Variants in NSUN6 observed in about 807,000 individuals in gnomAD.
The protein encoded by NSUN6 is NOP2/Sun RNA methyltransferase 6, also known as tRNA (cytosine(72)-C(5))-methyltransferase NSUN6.
In NSUN6, 64 loss-of-function variants were observed where a neutral mutation model predicts 58.0. The observed-to-expected ratio is 1.10, with a 90% CI of 0.90 to 1.36. The LOEUF (loss-of-function observed/expected upper bound fraction) is 1.36, where lower values mean the gene tolerates loss of function less well. NSUN6 is among the 40% of genes most tolerant of loss of function. The pLI, the probability that NSUN6 is intolerant of heterozygous loss-of-function variation, is 0.00. For missense variants in NSUN6, 701 were observed against 550.1 expected, an observed-to-expected ratio of 1.27 and a Z score of -2.74; for synonymous variants, 231 against 193.9, an observed-to-expected ratio of 1.19 and a Z score of -1.59.
In NSUN6 at chr10:18,546,010, C is replaced by T; in HGVS notation, c.1333G>A (p.Glu445Lys). Residue 445 changes from glutamate (E) to lysine (K), a missense_variant, in exon 11 of 11, where the codon GAA becomes AAA. Transcript: ENST00000377304. ...TTATTAGCCAGACGCAACATGTCTT[C>T]TCTTCTGGCCTCTCTAAGAGAGTCC... ...DMDSLREARREDMLRLANKDS... is the reference protein window; with the variant it reads ...DMDSLREARRKDMLRLANKDS... The T allele has an allele frequency of 6.3e-7, 1 of 1,582,064 alleles. No individual in the cohort carries two copies. The highest frequency in any genetic ancestry group is 1.2e-5 in the South Asian group (1 of 85,070).
chr10:18,582,287 G>C (rs2056938949), intron 8 of NSUN6, among the ~76,000 whole-genome samples: 1 of 152,168 alleles, frequency 6.6e-6, no homozygotes, highest in South Asian at 2.1e-4. Context: ...ATGCTTGCCT[G>C]ACATTCCCGG....
At chr10:18,598,571 A>G (rs1358691982) in intron 6 of NSUN6, among the ~76,000 whole-genome samples, 1 of 152,116 alleles carries the variant, frequency 6.6e-6, no homozygotes, top group Non-Finnish European at 1.5e-5. Flanking sequence ...ACCTGGGCTC[A>G]ATCAATCCTC....
upstream of NSUN6, among the ~76,000 whole-genome samples, chr10:18,657,169 C>T (rs1341464796): frequency 2.0e-5 from 3 of 152,144 alleles, no homozygotes; most frequent in Non-Finnish European, 4.4e-5. Context: ...TCGATAGGTA[C>T]ATCAGCATGA....
At chr10:18,630,502 C>T (rs529433721) in intron 3 of NSUN6, among the ~76,000 whole-genome samples, 11 of 151,868 alleles carry the variant, frequency 7.2e-5, no homozygotes, top group Admixed American at 2.0e-4. Context: ...ATTGATAGAC[C>T]GCTAGCAAGA....
At chr10:18,581,101 G>A (rs557015932) in intron 8 of NSUN6, among the ~76,000 whole-genome samples, 1 of 152,214 alleles carries the variant, frequency 6.6e-6, no homozygotes, top group East Asian at 1.9e-4. Context: ...TTCCCTTGGG[G>A]TGGGCTGCCA....
rs186268204 is a variant in NSUN6 at position 18,574,946 on chromosome 10, G to T, written c.922+11003C>A. ...AGATCAGGTAGCCAAGCAGTCTGTT[G>T]TATCTTCTGAAATGCATATTTTTCA... On this transcript the variant is annotated intron_variant, in intron 8 of 10. Transcript: ENST00000377304. Among the ~76,000 whole-genome samples, 18 of 152,174 alleles carry T rather than the reference G, an allele frequency of 1.2e-4. No individual in the cohort carries two copies. In the East Asian group the frequency reaches 3.3e-3, roughly 28 times the overall value.
At chr10:18,608,924 C>A (rs1471206982) in intron 6 of NSUN6, among the ~76,000 whole-genome samples, 2 of 152,164 alleles carry the variant, frequency 1.3e-5, no homozygotes. Context: ...TAGAACATCA[C>A]CAATGTGCAA....
chr10:18,554,835 C>T (rs537453974), intron 8 of NSUN6, among the ~76,000 whole-genome samples: 6 of 142,758 alleles, frequency 4.2e-5, no homozygotes, highest in Non-Finnish European at 6.1e-5. Context: ...GAATGGAAAA[C>T]GGCATGGAAT....
At chr10:18,598,245 C>G (rs1179661127) in intron 6 of NSUN6, among the ~76,000 whole-genome samples, 2 of 152,294 alleles carry the variant, frequency 1.3e-5, no homozygotes, top group Non-Finnish European at 2.9e-5. Context: ...CACCGCCTAT[C>G]CCAAAACATG....
intron 3 of NSUN6, among the ~76,000 whole-genome samples, chr10:18,637,871 TATC>T (rs890061842): frequency 7.2e-5 from 11 of 152,228 alleles, no homozygotes; most frequent in Admixed American, 2.0e-4. Flanking sequence ...TGCAGAATAT[TATC>T]ATCTTTTCTA....
At chr10:18,624,609 C>A (rs1380971246) in intron 3 of NSUN6, among the ~76,000 whole-genome samples, 1 of 126,976 alleles carries the variant, frequency 7.9e-6, no homozygotes, top group African/African-American at 3.1e-5. Flanking sequence ...GCTCCTGGCA[C>A]TGAACTTCAG....
At chr10:18,555,115 G>A (rs1250951228) in intron 8 of NSUN6, among the ~76,000 whole-genome samples, 1 of 150,530 alleles carries the variant, frequency 6.6e-6, no homozygotes, top group Non-Finnish European at 1.5e-5. Flanking sequence ...AGAATGGCAT[G>A]AAAGGAAATG....
At position 18,651,215 on chromosome 10, in the gene NSUN6, T is replaced by G. The variant is rs201476168; in HGVS notation, c.-12A>C. The G allele has an allele frequency of 6.4e-7, 1 of 1,552,312 alleles. No individual in the cohort carries two copies. Among genetic ancestry groups the G allele is most frequent in the African/African-American group, 1.4e-5 (1 of 70,944 alleles). On this transcript the variant is annotated 5_prime_UTR_variant, in exon 1 of 11. Transcript: ENST00000377304. ...GGGAAAATAGACATTTTTCCTGTTG[T>G]TTAGTTCTCCACCAAGAGAAATGCT... is the stretch of plus-strand genomic sequence containing the variant.
intron 3 of NSUN6, among the ~76,000 whole-genome samples, chr10:18,632,966 T>C (rs1488244967): frequency 1.3e-5 from 2 of 152,156 alleles, no homozygotes; most frequent in Non-Finnish European, 2.9e-5. Context: ...CGTATGTTTA[T>C]TCCGGCATTA....
intron 3 of NSUN6, among the ~76,000 whole-genome samples, chr10:18,641,770 A>G (rs1456377404): frequency 6.6e-6 from 1 of 152,218 alleles, no homozygotes; most frequent in African/African-American, 2.4e-5. Context: ...TTGTTGAATT[A>G]TGAATAAAAT....
rs2058340775 is a variant in NSUN6 at position 18,614,445 on chromosome 10, C to T, written c.575+15G>A. ...AAAAAGGATGCTGATTTCCCCAAAGCACCTGATGACATACTTCAGTTCAGG... is the reference window on the plus strand; with the variant it reads ...AAAAAGGATGCTGATTTCCCCAAAGTACCTGATGACATACTTCAGTTCAGG... On this transcript the variant is annotated intron_variant, in intron 5 of 10. Coordinates refer to ENST00000377304, the MANE Select transcript of NSUN6 (RefSeq NM_182543.5). 1.4e-6 allele frequency: 2 copies of T among 1,431,224 alleles called. No individual in the cohort carries two copies. Among genetic ancestry groups the T allele is most frequent in the South Asian group, 1.5e-5 (1 of 64,750 alleles). 88.7% of individuals were successfully genotyped at this position (1,431,224 alleles called of 1,614,324 possible).
intron 8 of NSUN6, among the ~76,000 whole-genome samples, chr10:18,554,148 T>A (rs2054810114): frequency 6.9e-6 from 1 of 145,084 alleles, no homozygotes; most frequent in African/African-American, 2.6e-5. Flanking sequence ...ATGGATTGGA[T>A]AAACGAATGC....
chr10:18,625,720 T>A (rs867182970), intron 3 of NSUN6, among the ~76,000 whole-genome samples: 261 of 53,842 alleles, frequency 4.8e-3, no homozygotes, highest in Non-Finnish European at 7.2e-3. Context: ...GTTTTTTTTT[T>A]AAAAAAAAAA....
At chr10:18,632,423 A>G (rs1280827884) in intron 3 of NSUN6, among the ~76,000 whole-genome samples, 1 of 144,138 alleles carries the variant, frequency 6.9e-6, no homozygotes, top group Non-Finnish European at 1.5e-5. Context: ...ATTAAACTAA[A>G]GAGCTTCTGC....
Sources: gnomAD v4.1 joint callset for allele counts (sites outside exome capture counted in the v4.1 genomes callset) on GRCh38, gnomAD v4.1.1 for gene constraint, MANE v1.5 for transcripts, NCBI Gene and HGNC (gene_info 2026-07-23, HGNC 2026-07-21) for gene names.